Variants in CNTN1 observed in about 807,000 individuals in gnomAD.
CNTN1 encodes the protein contactin 1.
In CNTN1, 38 loss-of-function variants were observed where a neutral mutation model predicts 126.4. The observed-to-expected ratio is 0.30, with a 90% CI of 0.23 to 0.39. The LOEUF is 0.39. CNTN1 is among the 10% of genes least tolerant of loss of function. The probability of loss-of-function intolerance (pLI) is 1.00; values close to 1 mark genes in which losing one functional copy is unlikely to be tolerated. For missense variants in CNTN1, 1,009 were observed against 1,248.4 expected, an observed-to-expected ratio of 0.81 and a Z score of 2.89; for synonymous variants, 413 against 422.6, an observed-to-expected ratio of 0.98 and a Z score of 0.28.
chr12:41,067,696 G>T (rs1324575731), intron 23 of CNTN1, among the ~76,000 whole-genome samples: 1 of 150,972 alleles, frequency 6.6e-6, no homozygotes. Flanking sequence ...CAGCGCACCA[G>T]CATGGCACAT....
intron 1 of CNTN1, among the ~76,000 whole-genome samples, chr12:40,783,345 T>C (rs1033122383): frequency 1.3e-5 from 2 of 152,026 alleles, no homozygotes; most frequent in Non-Finnish European, 2.9e-5. Context: ...AAAAAATATA[T>C]GTGAGAAGAT....
At chr12:40,720,055 GT>G (rs1221896787) in intron 1 of CNTN1, among the ~76,000 whole-genome samples, 1 of 123,620 alleles carries the variant, frequency 8.1e-6, no homozygotes, top group African/African-American at 3.2e-5. Context: ...GTTTTACCAT[GT>G]TGGTCAGCCT....
At chr12:41,041,478 T>C (rs1485120598) in intron 23 of CNTN1, among the ~76,000 whole-genome samples, 1 of 152,194 alleles carries the variant, frequency 6.6e-6, no homozygotes, top group African/African-American at 2.4e-5. Context: ...TGGAATAGTT[T>C]CAGAAGGAAT....
chr12:40,785,964 G>C (rs140803877), intron 1 of CNTN1, among the ~76,000 whole-genome samples: 2 of 152,044 alleles, frequency 1.3e-5, no homozygotes, highest in East Asian at 3.9e-4. Flanking sequence ...ATTACATTTC[G>C]ACATGAGATT....
chr12:40,804,253 T>A (rs1481158715), intron 1 of CNTN1, among the ~76,000 whole-genome samples: 2 of 151,944 alleles, frequency 1.3e-5, no homozygotes, highest in Non-Finnish European at 2.9e-5. Flanking sequence ...AATATTGAAG[T>A]AGGAAAGGAG....
chr12:40,986,280 T>G (rs1947952250), intron 16 of CNTN1, among the ~76,000 whole-genome samples: 1 of 152,206 alleles, frequency 6.6e-6, no homozygotes. Context: ...GTCTGATAAC[T>G]TTTTGCTCAA....
intron 16 of CNTN1, among the ~76,000 whole-genome samples, chr12:40,982,423 T>G (rs1346847613): frequency 6.6e-6 from 1 of 152,174 alleles, no homozygotes; most frequent in Non-Finnish European, 1.5e-5. Context: ...TGGTTTAAAT[T>G]TGGTTTGGCC....
At chr12:40,776,091 C>A (rs1183233141) in intron 1 of CNTN1, among the ~76,000 whole-genome samples, 1 of 151,560 alleles carries the variant, frequency 6.6e-6, no homozygotes, top group African/African-American at 2.4e-5. Flanking sequence ...GTTATTGCAG[C>A]CCAAAGCACT....
intron 1 of CNTN1, among the ~76,000 whole-genome samples, chr12:40,837,251 A>G (rs1942095069): frequency 6.6e-6 from 1 of 152,184 alleles, no homozygotes; most frequent in Admixed American, 6.5e-5. Context: ...CATATTGAAT[A>G]TATTACCTGA....
chr12:41,022,795 A>T (rs1948950623), intron 20 of CNTN1, among the ~76,000 whole-genome samples: 1 of 152,204 alleles, frequency 6.6e-6, no homozygotes, highest in Non-Finnish European at 1.5e-5. Context: ...TCTGAGTAAT[A>T]ATTGTCATAA....
chr12:40,930,362 G>T (rs10879367), intron 7 of CNTN1, among the ~76,000 whole-genome samples: 26,380 of 151,868 alleles, frequency 0.17, 2,283 homozygotes, highest in Middle Eastern at 0.2. Flanking sequence ...AGAAATCAAA[G>T]GATTGGTAGA....
chr12:40,733,984 A>C (rs1369803254), intron 1 of CNTN1, among the ~76,000 whole-genome samples: 1 of 152,062 alleles, frequency 6.6e-6, no homozygotes, highest in Admixed American at 6.6e-5. Flanking sequence ...TTTTCCCTGC[A>C]ACTCTCCTTC....
At chr12:40,759,695 C>T (rs1423231252) in intron 1 of CNTN1, among the ~76,000 whole-genome samples, 1 of 151,680 alleles carries the variant, frequency 6.6e-6, no homozygotes, top group Non-Finnish European at 1.5e-5. Context: ...TCTTGAACTC[C>T]TGGGCTCAAG....
At chr12:40,845,729 T>G (rs1356856710) in intron 1 of CNTN1, among the ~76,000 whole-genome samples, 4 of 152,130 alleles carry the variant, frequency 2.6e-5, no homozygotes, top group African/African-American at 9.7e-5. Flanking sequence ...AGCATCCCAC[T>G]TGGTGAGCAC....
intron 1 of CNTN1, among the ~76,000 whole-genome samples, chr12:40,744,829 C>T (rs1443112132): frequency 6.6e-6 from 1 of 152,044 alleles, no homozygotes; most frequent in Non-Finnish European, 1.5e-5. Context: ...AAGAACTTCT[C>T]ATGGAGGCGT....
intron 1 of CNTN1, among the ~76,000 whole-genome samples, chr12:40,705,399 T>A (rs967342506): frequency 6.6e-6 from 1 of 152,228 alleles, no homozygotes; most frequent in African/African-American, 2.4e-5. Context: ...ATCATAAACT[T>A]CCTTGTGTTT....
chr12:40,847,833 A>G (rs1227956764), intron 1 of CNTN1, among the ~76,000 whole-genome samples: 4 of 152,192 alleles, frequency 2.6e-5, no homozygotes, highest in Non-Finnish European at 5.9e-5. Flanking sequence ...CATGCAAAAC[A>G]GTTTTTCCAC....
At chr12:40,948,258 C>CTTTTTTTTTTTTTTTTTT (rs58087551) in intron 14 of CNTN1, among the ~76,000 whole-genome samples, 16 of 62,682 alleles carry the variant, frequency 2.6e-4, no homozygotes, top group African/African-American at 5.2e-4. Flanking sequence ...TTCTTTCTTT[C>CTTTTTTTTTTTTTTTTTT]TTTTTTTTTT....
intron 23 of CNTN1, among the ~76,000 whole-genome samples, chr12:41,053,017 TAGAAAA>T (rs1477650863): frequency 5.9e-5 from 9 of 151,662 alleles, no homozygotes; most frequent in African/African-American, 2.2e-4. Context: ...TAAATGTGCT[TAGAAAA>T]TAGAGAACTG....
Sources: allele counts gnomAD v4.1 joint callset (sites outside exome capture counted in the v4.1 genomes callset), GRCh38; gene constraint gnomAD v4.1.1; transcripts MANE v1.5; gene names NCBI Gene and HGNC (gene_info 2026-07-23, HGNC 2026-07-21).